Variants in CSMD1 observed in about 807,000 individuals in gnomAD.
CSMD1 encodes the protein CUB and Sushi multiple domains 1, also known as CUB and sushi domain-containing protein 1.
Under a neutral mutation model 417.5 loss-of-function variants are expected in CSMD1, and 213 were observed. That is an observed-to-expected ratio of 0.51 (90% confidence interval 0.46 to 0.57). The LOEUF is 0.57. Ranked by LOEUF, CSMD1 falls within the 20% of genes least tolerant of loss-of-function variation. The pLI is 0.00. For missense variants in CSMD1, 6,923 were observed against 4,529.7 expected (o/e 1.53, Z -15.17); for synonymous variants, 2,862 against 1,736.8 (o/e 1.65, Z -16.11).
intron 5 of CSMD1, among the ~76,000 whole-genome samples, chr8:3,804,245 T>G (rs1331325791): frequency 6.6e-6 from 1 of 152,144 alleles, no homozygotes; most frequent in Non-Finnish European, 1.5e-5. Flanking sequence ...AGACAAAATT[T>G]TAAACGTCAA....
At position 4,883,974 on chromosome 8, in the gene CSMD1, T is replaced by G. The variant is rs573456624; in HGVS notation, c.85+110358A>C. Among the ~76,000 whole-genome samples, 6 of 152,168 alleles carry G rather than the reference T, an allele frequency of 3.9e-5. No individual in the cohort carries two copies. The South Asian group carries it at 1.2e-3, about 32-fold the overall frequency. The stretch of plus-strand genomic sequence containing the variant: ...AGCTGCCTACGAGCCTTCCAATTTC[T>G]TCCAATCCTCTACAATACTTGCTAT... On this transcript the variant is annotated intron_variant, in intron 1 of 69. Coordinates refer to ENST00000635120, the MANE Select transcript of CSMD1 (RefSeq NM_033225.6).
chr8:3,499,603 A>C (rs560103200), intron 10 of CSMD1, among the ~76,000 whole-genome samples: 1 of 152,048 alleles, frequency 6.6e-6, no homozygotes, highest in East Asian at 1.9e-4. Flanking sequence ...TGCCTCAAGA[A>C]TTCAGCTCTC....
chr8:4,953,638 A>G (rs1808892752), intron 1 of CSMD1, among the ~76,000 whole-genome samples: 1 of 152,190 alleles, frequency 6.6e-6, no homozygotes, highest in South Asian at 2.1e-4. Context: ...ATAGAAATAC[A>G]CAGAAGCAGT....
At chr8:4,254,492 C>G (rs1190640001) in intron 3 of CSMD1, among the ~76,000 whole-genome samples, 1 of 152,112 alleles carries the variant, frequency 6.6e-6, no homozygotes, top group Admixed American at 6.5e-5. Flanking sequence ...AGTGCAATTA[C>G]TTTTTTATAC....
chr8:3,704,945 C>A (rs1404155546), intron 7 of CSMD1: 1 of 152,146 alleles, frequency 6.6e-6, no homozygotes, highest in Non-Finnish European at 1.5e-5. Context: ...TTGCTTTGCC[C>A]AGTGTTTGTT....
intron 36 of CSMD1, 61 bp downstream of exon 36, chr8:3,187,808 T>A: frequency 8.2e-7 from 1 of 1,223,002 alleles, no homozygotes; most frequent in Non-Finnish European, 1.2e-6. Context: ...GTTATTTATG[T>A]TGTTTTCTTG....
chr8:4,118,771 T>C (rs1170403627), intron 3 of CSMD1, among the ~76,000 whole-genome samples: 1 of 152,228 alleles, frequency 6.6e-6, no homozygotes, highest in African/African-American at 2.4e-5. Context: ...TGAATCGTTC[T>C]ACTATAAAGA....
intron 10 of CSMD1, among the ~76,000 whole-genome samples, chr8:3,526,544 G>C (rs934663815): frequency 6.6e-6 from 1 of 152,160 alleles, no homozygotes; most frequent in African/African-American, 2.4e-5. Flanking sequence ...GAATGGGAAC[G>C]GCCCCAGAGT....
intron 2 of CSMD1, among the ~76,000 whole-genome samples, chr8:4,604,236 C>T (rs1054435257): frequency 6.6e-6 from 1 of 151,914 alleles, no homozygotes; most frequent in African/African-American, 2.4e-5. Flanking sequence ...CTTTGATTGA[C>T]TACTACCTTT....
chr8:2,952,467 C>T (rs1802700676), intron 65 of CSMD1, among the ~76,000 whole-genome samples: 1 of 152,010 alleles, frequency 6.6e-6, no homozygotes, highest in African/African-American at 2.4e-5. Flanking sequence ...CTTCCTTTGG[C>T]CTTTTGTAGA....
intron 11 of CSMD1, among the ~76,000 whole-genome samples, chr8:3,474,986 A>G (rs1585218718): frequency 6.6e-6 from 1 of 152,144 alleles, no homozygotes; most frequent in South Asian, 2.1e-4. Flanking sequence ...CCTGCAGTGT[A>G]AAACTCTGTC....
intron 3 of CSMD1, among the ~76,000 whole-genome samples, chr8:4,349,958 A>G (rs1800994753): frequency 6.6e-6 from 1 of 152,070 alleles, no homozygotes. Context: ...AAACAAATGT[A>G]TGCTGTAGAC....
At chr8:3,857,581 G>A (rs1489360259) in intron 5 of CSMD1, among the ~76,000 whole-genome samples, 1 of 152,142 alleles carries the variant, frequency 6.6e-6, no homozygotes, top group Admixed American at 6.6e-5. Flanking sequence ...CTGTTTCTAC[G>A]CTGTGTAGAC....
chr8:3,767,899 A>T (rs1047024030), intron 5 of CSMD1, among the ~76,000 whole-genome samples: 4 of 152,138 alleles, frequency 2.6e-5, no homozygotes, highest in Non-Finnish European at 5.9e-5. Flanking sequence ...AAAAGTTAAA[A>T]AGTTTCCCAA....
intron 1 of CSMD1, among the ~76,000 whole-genome samples, chr8:4,774,827 C>G (rs915104034): frequency 6.9e-6 from 1 of 143,888 alleles, no homozygotes; most frequent in African/African-American, 3.0e-5. Flanking sequence ...TCTCTTCCTC[C>G]TACTGGAGGC....
chr8:4,351,964 T>TC (rs1554441884), intron 3 of CSMD1, among the ~76,000 whole-genome samples: 12 of 149,708 alleles, frequency 8.0e-5, no homozygotes, highest in African/African-American at 2.2e-4. Context: ...TTTTTTTTTT[T>TC]CAGAAAAAAA....
At chr8:4,637,296 T>G (rs1469277842) in intron 2 of CSMD1, 46 bp downstream of exon 2, 2 of 1,404,880 alleles carry the variant, frequency 1.4e-6, no homozygotes, top group South Asian at 1.2e-5. Context: ...TCATAATCTG[T>G]GTATTCAAAC....
At chr8:3,371,895 C>A (rs1432869868) in intron 18 of CSMD1, among the ~76,000 whole-genome samples, 2 of 152,312 alleles carry the variant, frequency 1.3e-5, no homozygotes, top group Middle Eastern at 6.8e-3. Context: ...CATTATACAT[C>A]CCACTTGAAA....
chr8:4,601,321 A>C (rs1329325517), intron 2 of CSMD1, among the ~76,000 whole-genome samples: 1 of 152,154 alleles, frequency 6.6e-6, no homozygotes, highest in Admixed American at 6.5e-5. Context: ...AAAGTTTGGA[A>C]GTCCCCTTGG....
Sources: gnomAD v4.1 joint callset for allele counts (sites outside exome capture counted in the v4.1 genomes callset) on GRCh38, gnomAD v4.1.1 for gene constraint, MANE v1.5 for transcripts, NCBI Gene and HGNC (gene_info 2026-07-23, HGNC 2026-07-21) for gene names.